Variants in TDRD1 observed in about 807,000 individuals in gnomAD.
TDRD1 encodes the protein tudor domain containing 1, also known as tudor domain-containing protein 1.
TDRD1 carries 37 observed loss-of-function variants against 140.6 expected under a neutral mutation model. The observed-to-expected ratio is 0.26, with a 90% CI of 0.20 to 0.35. The LOEUF (loss-of-function observed/expected upper bound fraction) is 0.35, where lower values mean the gene tolerates loss of function less well. Among genes scored for constraint, TDRD1 ranks in the 10% least tolerant of loss-of-function variants. The probability of loss-of-function intolerance (pLI) is 1.00; values close to 1 mark genes in which losing one functional copy is unlikely to be tolerated. For synonymous variants in TDRD1, 506 were observed against 475.7 expected (o/e 1.06, Z -0.83); for missense variants, 1,243 against 1,393.0 (o/e 0.89, Z 1.71).
upstream of TDRD1, among the ~76,000 whole-genome samples, chr10:114,175,004 A>G (rs914763996): frequency 6.6e-6 from 1 of 152,220 alleles, no homozygotes; most frequent in Admixed American, 6.5e-5. Flanking sequence ...GCTGATGCAG[A>G]CGATTCTGCA....
intron 17 of TDRD1, 139 bp downstream of exon 17, chr10:114,217,794 G>T: frequency 1.7e-6 from 1 of 577,782 alleles, no homozygotes; most frequent in Non-Finnish European, 3.1e-6. Context: ...AATGTCATGT[G>T]TTTTTCCTTC....
intron 5 of TDRD1, among the ~76,000 whole-genome samples, 167 bp downstream of exon 5, chr10:114,201,682 A>G (rs2034753702): frequency 6.6e-6 from 1 of 152,184 alleles, no homozygotes; most frequent in East Asian, 1.9e-4. Flanking sequence ...CTTAATTTTC[A>G]TGTGTATCAT....
rs550718033 is a variant in TDRD1, at chr10:114,222,232, G to T, written c.2891-355G>T. Among the ~76,000 whole-genome samples, 326 of 152,192 alleles carry T rather than the reference G, an allele frequency of 2.1e-3. 1 individual carries two copies. Among genetic ancestry groups the T allele is most frequent in the African/African-American group, 7.5e-3 (313 of 41,522 alleles). Reference sequence around the variant, plus strand: ...ATGATGAATTGGAAATGCTATTGAGGATAATTTTATTAAGTATAACACTTA... The same window carrying T: ...ATGATGAATTGGAAATGCTATTGAGTATAATTTTATTAAGTATAACACTTA... On this transcript the variant is annotated intron_variant, in intron 20 of 25. Transcript: ENST00000251864.
chr10:114,189,663 C>G (rs1055650052), intron 2 of TDRD1, among the ~76,000 whole-genome samples: 8 of 152,186 alleles, frequency 5.3e-5, no homozygotes, highest in Admixed American at 3.9e-4. Flanking sequence ...ACAATCATGG[C>G]TTACTACGGC....
At chr10:114,179,309 G>A (rs2032819735) in exon 1 of TDRD1, 2 of 152,718 alleles carry the variant, frequency 1.3e-5, no homozygotes. Flanking sequence ...GGAGGCGAGG[G>A]AAGTGCAGGG....
At chr10:114,219,756 A>G (rs1012481945) in intron 18 of TDRD1, among the ~76,000 whole-genome samples, 1 of 151,702 alleles carries the variant, frequency 6.6e-6, no homozygotes, top group Non-Finnish European at 1.5e-5. Flanking sequence ...ACGCCCAACT[A>G]ATTTTTTGTA....
intron 1 of TDRD1, among the ~76,000 whole-genome samples, chr10:114,182,136 C>T (rs533560454): frequency 1.3e-5 from 2 of 152,268 alleles, no homozygotes; most frequent in South Asian, 2.1e-4. Context: ...GCTGCCAACC[C>T]GTGTCTGGAA....
intron 3 of TDRD1, among the ~76,000 whole-genome samples, chr10:114,196,575 C>G (rs1053714053): frequency 6.6e-6 from 1 of 151,956 alleles, no homozygotes; most frequent in African/African-American, 2.4e-5. Context: ...CCCACCTCCT[C>G]CTTTCCCACT....
At chr10:114,210,898 T>G (rs1238029529) in exon 13 of TDRD1, 1 of 1,614,172 alleles carries the variant, frequency 6.2e-7, no homozygotes, top group Admixed American at 1.7e-5. Flanking sequence ...TAGCAAGTAC[T>G]GTGATCAGTT....
chr10:114,198,717 T>C (rs1457905134), intron 3 of TDRD1, among the ~76,000 whole-genome samples: 2 of 152,170 alleles, frequency 1.3e-5, no homozygotes. Context: ...TCACAGGCAC[T>C]ATCATAGCTC....
chr10:114,211,754 A>C, intron 13 of TDRD1, 112 bp from the exon 14 acceptor site: 1 of 1,072,964 alleles, frequency 9.3e-7, no homozygotes. Context: ...TATAAGCTTG[A>C]TATCTATTAA....
chr10:114,201,505 G>C, exon 5 of TDRD1: 1 of 1,612,726 alleles, frequency 6.2e-7, no homozygotes, highest in Non-Finnish European at 8.5e-7. Context: ...GTGCAGGCCT[G>C]TTCAGCCAAA....
intron 6 of TDRD1, 141 bp from the exon 7 acceptor site, chr10:114,202,931 G>A (rs2034856789): frequency 7.5e-6 from 5 of 663,818 alleles, no homozygotes; most frequent in Non-Finnish European, 1.3e-5. Flanking sequence ...GTGACTCTTG[G>A]AGGCCTTCCC....
chr10:114,219,613 G>T (rs988638681), intron 18 of TDRD1, among the ~76,000 whole-genome samples: 4 of 146,642 alleles, frequency 2.7e-5, no homozygotes, highest in African/African-American at 1.0e-4. Context: ...TTGAGATGGG[G>T]TTTCACTGTT....
At chr10:114,217,473 A>G in intron 16 of TDRD1, 72 bp from the exon 17 acceptor site, 1 of 806,132 alleles carries the variant, frequency 1.2e-6, no homozygotes, top group South Asian at 1.8e-5. Flanking sequence ...ACGTTTTCTG[A>G]CTTTAAAGGA....
chr10:114,206,480 G>A (rs567974153), intron 11 of TDRD1, 150 bp downstream of exon 11: 74 of 574,102 alleles, frequency 1.3e-4, no homozygotes, highest in African/African-American at 1.3e-3. Flanking sequence ...ATATTTAGTA[G>A]TATATCATTT....
chr10:114,228,535 G>A, intron 25 of TDRD1: 5 of 991,284 alleles, frequency 5.0e-6, no homozygotes, highest in Non-Finnish European at 6.0e-6. Flanking sequence ...TTTTGCGAGG[G>A]GTATCTAAAG....
intron 16 of TDRD1, among the ~76,000 whole-genome samples, chr10:114,214,943 G>A (rs1013301267): frequency 6.6e-5 from 10 of 151,804 alleles, no homozygotes; most frequent in African/African-American, 1.5e-4. Flanking sequence ...GGGTTTCACC[G>A]TGTTAGCCAG....
chr10:114,196,860 T>TA (rs2034393775), intron 3 of TDRD1, among the ~76,000 whole-genome samples: 1 of 129,042 alleles, frequency 7.7e-6, no homozygotes, highest in Admixed American at 7.9e-5. Context: ...TTTTTTTTTT[T>TA]TTTGAGACAG....
Sources: gnomAD v4.1 joint callset for allele counts (sites outside exome capture counted in the v4.1 genomes callset) on GRCh38, gnomAD v4.1.1 for gene constraint, MANE v1.5 for transcripts, NCBI Gene and HGNC (gene_info 2026-07-23, HGNC 2026-07-21) for gene names.